ERC2: variants seen among roughly 807,000 people sequenced by gnomAD.
ERC2 encodes the protein ELKS/RAB6-interacting/CAST family member 2.
Under a neutral mutation model 114.8 loss-of-function variants are expected in ERC2, and 42 were observed. That is an observed-to-expected ratio of 0.37 (90% CI 0.29 to 0.47). The LOEUF (loss-of-function observed/expected upper bound fraction) is 0.47, where lower values mean the gene tolerates loss of function less well. Ranked by LOEUF, ERC2 falls within the 20% of genes least tolerant of loss-of-function variation. ERC2 has a pLI of 0.99. For synonymous variants in ERC2, 454 were observed against 425.5 expected (o/e 1.07, Z -0.82); for missense variants, 939 against 1,150.7 (o/e 0.82, Z 2.66).
chr3:55,720,545 A>G (rs1206820066), intron 15 of ERC2, among the ~76,000 whole-genome samples: 2 of 151,878 alleles, frequency 1.3e-5, no homozygotes, highest in Non-Finnish European at 2.9e-5. Context: ...TTGGCCTCCC[A>G]AAGTGTTGGG....
chr3:55,552,989 G>T (rs549246243), intron 17 of ERC2, among the ~76,000 whole-genome samples: 1 of 111,882 alleles, frequency 8.9e-6, no homozygotes, highest in Non-Finnish European at 1.9e-5. Context: ...TTTCTGTGTC[G>T]TTATTATTGT....
Position 55,734,808 on chromosome 3 carries a change from C to T in ERC2, c.2675G>A (p.Arg892Gln), listed in dbSNP as rs376427949. ...KTQEEVMALKREKDRLVHQLK... is the reference protein window; with the variant it reads ...KTQEEVMALKQEKDRLVHQLK... Reference sequence around the variant, plus strand: ...TTGATGTACTAGTCGGTCTTTTTCCCGCTTGAGGGCCATGACTTCTTCCTG... The same window carrying T: ...TTGATGTACTAGTCGGTCTTTTTCCTGCTTGAGGGCCATGACTTCTTCCTG... The change falls in exon 15 of 18, where the codon CGG becomes CAG. Residue 892 changes from arginine (R) to glutamine (Q), a missense_variant. Arg to Gln is a conservative substitution (Grantham distance 43). Transcript: ENST00000288221. 22 of 1,612,916 alleles carry T rather than the reference C, an allele frequency of 1.4e-5. No homozygotes were observed. Among genetic ancestry groups the T allele is most frequent in the South Asian group, 5.5e-5 (5 of 90,912 alleles).
intron 7 of ERC2, among the ~76,000 whole-genome samples, chr3:56,022,932 G>C (rs2073818498): frequency 6.6e-6 from 1 of 152,146 alleles, no homozygotes; most frequent in African/African-American, 2.4e-5. Flanking sequence ...TGCCTTCTGG[G>C]GCAGAAACCT....
rs140141760 is a variant in ERC2 at position 56,152,454 on chromosome 3, G to A, written c.1150-3322C>T. ...GCTAAATATCTAGATCAGCCTGCCA[G>A]CTTCTGTCACTCAAAAGTGGTTTAC... On this transcript the variant is annotated intron_variant, in intron 4 of 17. Coordinates refer to ENST00000288221, the MANE Select transcript of ERC2 (RefSeq NM_015576.3). Among the ~76,000 whole-genome samples the A allele has an allele frequency of 1.7e-3, 257 of 152,024 alleles. 4 individuals carry two copies. Among genetic ancestry groups the A allele is most frequent in the African/African-American group, 6.1e-3 (251 of 41,486 alleles).
At chr3:55,663,869 A>G (rs1460490719) in intron 17 of ERC2, among the ~76,000 whole-genome samples, 4 of 152,180 alleles carry the variant, frequency 2.6e-5, no homozygotes, top group Non-Finnish European at 5.9e-5. Flanking sequence ...GTTTCTAACC[A>G]TGTACACACA....
At chr3:55,826,839 C>A (rs2060344269) in intron 14 of ERC2, among the ~76,000 whole-genome samples, 1 of 152,180 alleles carries the variant, frequency 6.6e-6, no homozygotes, top group Non-Finnish European at 1.5e-5. Context: ...TTTAAAATAG[C>A]TTTCAAATGG....
intron 12 of ERC2, among the ~76,000 whole-genome samples, chr3:55,975,315 CTTCCATATTCCATATAGT>C (rs987406867): frequency 7.2e-5 from 11 of 152,202 alleles, no homozygotes; most frequent in East Asian, 1.9e-4. Flanking sequence ...CCTATAGTTT[CTTCCATATTCCATATAGT>C]TTCCATATTC....
chr3:56,170,641 G>T (rs2082610312), intron 4 of ERC2, among the ~76,000 whole-genome samples: 1 of 133,266 alleles, frequency 7.5e-6, no homozygotes, highest in South Asian at 2.3e-4. Flanking sequence ...ATGTCACCCA[G>T]GCTGGAGTGC....
chr3:55,830,191 A>T (rs981926710), intron 14 of ERC2, among the ~76,000 whole-genome samples: 8 of 152,204 alleles, frequency 5.3e-5, no homozygotes, highest in East Asian at 1.9e-4. Flanking sequence ...CAATTTTTTT[A>T]AATCCTGACA....
chr3:55,864,775 A>G (rs1375527262), intron 14 of ERC2, among the ~76,000 whole-genome samples: 3 of 152,108 alleles, frequency 2.0e-5, no homozygotes, highest in African/African-American at 7.2e-5. Context: ...CATCATCATC[A>G]GCAGTACCAC....
At chr3:55,710,044 C>T (rs2063697211) in intron 15 of ERC2, among the ~76,000 whole-genome samples, 1 of 152,332 alleles carries the variant, frequency 6.6e-6, no homozygotes, top group African/African-American at 2.4e-5. Flanking sequence ...TACCAACTCT[C>T]TGCCACATCT....
chr3:55,666,192 C>G (rs1191218275), intron 17 of ERC2, among the ~76,000 whole-genome samples: 2 of 152,162 alleles, frequency 1.3e-5, no homozygotes, highest in Non-Finnish European at 2.9e-5. Context: ...GGATTTGAAT[C>G]AAGTCTGTTG....
In ERC2 at chr3:55,897,231, G is replaced by A. The variant is rs141838428; in HGVS notation, c.2404-8682C>T. ...GTTATCTGCCAGGACCCCACTCCAG[G>A]TTCCATGCATCTCTTCCTGACGCGT... is the stretch of plus-strand genomic sequence containing the variant. On this transcript the variant is annotated intron_variant, in intron 13 of 17. Coordinates refer to ENST00000288221, the MANE Select transcript of ERC2 (RefSeq NM_015576.3). Among the ~76,000 whole-genome samples, 30 of 152,258 alleles carry A rather than the reference G, an allele frequency of 2.0e-4. No homozygotes were observed. In the East Asian group the frequency reaches 5.2e-3, roughly 26 times the overall value.
At chr3:55,667,353 T>C (rs1168864220) in intron 17 of ERC2, among the ~76,000 whole-genome samples, 1 of 152,254 alleles carries the variant, frequency 6.6e-6, no homozygotes, top group Non-Finnish European at 1.5e-5. Flanking sequence ...GTTGCATAGA[T>C]AAATGGAGAC....
chr3:55,579,728 G>A (rs1190357603), intron 17 of ERC2, among the ~76,000 whole-genome samples: 1 of 152,228 alleles, frequency 6.6e-6, no homozygotes, highest in Non-Finnish European at 1.5e-5. Flanking sequence ...AGCAAAACAA[G>A]TCCGTTTACA....
chr3:55,957,741 C>T (rs1003247785), intron 12 of ERC2, among the ~76,000 whole-genome samples: 5 of 152,130 alleles, frequency 3.3e-5, no homozygotes, highest in Non-Finnish European at 4.4e-5. Context: ...GAGGGGGGGG[C>T]AGCTCCAGGC....
At chr3:55,594,628 T>C (rs1426125395) in intron 17 of ERC2, among the ~76,000 whole-genome samples, 1 of 152,038 alleles carries the variant, frequency 6.6e-6, no homozygotes, top group Non-Finnish European at 1.5e-5. Flanking sequence ...ACTACAGGCA[T>C]TGTGCCACCA....
chr3:55,623,677 T>C (rs168593), intron 17 of ERC2, among the ~76,000 whole-genome samples: 92,551 of 151,938 alleles, frequency 0.61, 29,003 homozygotes, highest in Middle Eastern at 0.68. Flanking sequence ...GCCACTCTGG[T>C]TCATACCCCT....
At chr3:56,118,436 G>T (rs959115529) in intron 6 of ERC2, among the ~76,000 whole-genome samples, 1 of 152,074 alleles carries the variant, frequency 6.6e-6, no homozygotes, top group Non-Finnish European at 1.5e-5. Flanking sequence ...ACAAAGCTCA[G>T]CTATTACAGC....
Sources: allele counts gnomAD v4.1 joint callset (sites outside exome capture counted in the v4.1 genomes callset), GRCh38; gene constraint gnomAD v4.1.1; transcripts MANE v1.5; gene names NCBI Gene and HGNC (gene_info 2026-07-23, HGNC 2026-07-21).